SMYD3: variants seen among roughly 807,000 people sequenced by gnomAD.
The protein encoded by SMYD3 is SET and MYND domain containing 3, also known as histone-lysine N-methyltransferase SMYD3.
SMYD3 carries 36 observed loss-of-function variants against 57.7 expected under a neutral mutation model. That is an observed-to-expected ratio of 0.62 (90% confidence interval 0.48 to 0.82). The LOEUF (loss-of-function observed/expected upper bound fraction) is 0.82, where lower values mean the gene tolerates loss of function less well. Among genes scored for constraint, SMYD3 ranks in the 40% least tolerant of loss-of-function variants. The pLI is 0.00. For missense variants in SMYD3, 515 were observed against 538.8 expected, an observed-to-expected ratio of 0.96 and a Z score of 0.44; for synonymous variants, 211 against 195.0, an observed-to-expected ratio of 1.08 and a Z score of -0.68.
intron 1 of SMYD3, among the ~76,000 whole-genome samples, chr1:246,470,796 T>C (rs1020693174): frequency 5.9e-5 from 9 of 151,610 alleles, no homozygotes; most frequent in African/African-American, 4.8e-5. Context: ...ATCGACAAAA[T>C]TGGAAAAATG....
At chr1:246,458,055 C>A (rs1332389616) in intron 1 of SMYD3, among the ~76,000 whole-genome samples, 1 of 152,154 alleles carries the variant, frequency 6.6e-6, no homozygotes, top group Non-Finnish European at 1.5e-5. Flanking sequence ...GCATTATTTT[C>A]TGGTCCAACT....
At chr1:246,473,355 G>A (rs1425850283) in intron 1 of SMYD3, among the ~76,000 whole-genome samples, 1 of 152,002 alleles carries the variant, frequency 6.6e-6, no homozygotes, top group Non-Finnish European at 1.5e-5. Flanking sequence ...TTCATTTTAT[G>A]TTATATATTT....
intron 5 of SMYD3, among the ~76,000 whole-genome samples, chr1:245,956,710 C>A (rs768411261): frequency 6.6e-6 from 1 of 152,148 alleles, no homozygotes; most frequent in Non-Finnish European, 1.5e-5. Flanking sequence ...GAGCCTGCTT[C>A]GGTACTCTGG....
chr1:245,774,701 CTCCACGGTCTCCCTCTCCCTCTCTT>C (rs1402265752), intron 10 of SMYD3, among the ~76,000 whole-genome samples: 6 of 125,560 alleles, frequency 4.8e-5, no homozygotes, highest in African/African-American at 8.9e-5. Context: ...CCCTCTCCCT[CTCCACGGTCTCCCTCTCCCTCTCTT>C]TCCACGGTCT....
chr1:245,957,985 G>A (rs1284232800), intron 5 of SMYD3, among the ~76,000 whole-genome samples: 4 of 152,098 alleles, frequency 2.6e-5, no homozygotes, highest in African/African-American at 9.7e-5. Context: ...AGACAAGGTA[G>A]GGACGCTGAA....
intron 1 of SMYD3, among the ~76,000 whole-genome samples, chr1:246,481,555 T>C (rs11806443): frequency 0.15 from 20,231 of 131,232 alleles, 1,989 homozygotes; most frequent in Middle Eastern, 0.26. Flanking sequence ...CCTGGGTCTC[T>C]AACTTGCAGA....
chr1:246,379,246 C>T (rs1376845012), intron 1 of SMYD3, among the ~76,000 whole-genome samples: 1 of 150,588 alleles, frequency 6.6e-6, no homozygotes, highest in Non-Finnish European at 1.5e-5. Flanking sequence ...AATAACATTA[C>T]ATGGGTGTAA....
At chr1:245,986,918 G>T (rs1035178003) in intron 5 of SMYD3, among the ~76,000 whole-genome samples, 1 of 152,174 alleles carries the variant, frequency 6.6e-6, no homozygotes, top group African/African-American at 2.4e-5. Context: ...ACAAATATAA[G>T]TAAAACTTGA....
At chr1:245,991,610 G>A (rs1558564595) in intron 5 of SMYD3, among the ~76,000 whole-genome samples, 2 of 152,224 alleles carry the variant, frequency 1.3e-5, no homozygotes, top group Non-Finnish European at 2.9e-5. Context: ...GTCACTCCCC[G>A]GCTGTTTGCC....
At chr1:246,108,407 G>A (rs1558235378) in intron 5 of SMYD3, among the ~76,000 whole-genome samples, 1 of 152,166 alleles carries the variant, frequency 6.6e-6, no homozygotes. Flanking sequence ...TCAGCAAAGA[G>A]ATCACACCCT....
At chr1:246,302,378 T>C (rs2064905578) in intron 5 of SMYD3, among the ~76,000 whole-genome samples, 1 of 152,154 alleles carries the variant, frequency 6.6e-6, no homozygotes, top group African/African-American at 2.4e-5. Flanking sequence ...AAATTCCTTT[T>C]GTGCTTCATT....
At chr1:246,415,912 G>A (rs746257814) in intron 1 of SMYD3, among the ~76,000 whole-genome samples, 32 of 152,108 alleles carry the variant, frequency 2.1e-4, no homozygotes, top group Non-Finnish European at 2.9e-4. Flanking sequence ...TTAACTTTCC[G>A]TATGTTATGC....
At chr1:245,751,392 G>C (rs559769628) in intron 11 of SMYD3, among the ~76,000 whole-genome samples, 6 of 152,234 alleles carry the variant, frequency 3.9e-5, no homozygotes, top group African/African-American at 1.4e-4. Flanking sequence ...CTGAAGCTTC[G>C]AGAAACAAAG....
chr1:246,322,373 G>C (rs965255309), intron 5 of SMYD3: 1 of 151,484 alleles, frequency 6.6e-6, no homozygotes, highest in Non-Finnish European at 1.5e-5. Context: ...TTCCCAAAGA[G>C]GGGGAAAAAA....
At chr1:246,218,723 T>G (rs2063206248) in intron 5 of SMYD3, among the ~76,000 whole-genome samples, 7 of 152,292 alleles carry the variant, frequency 4.6e-5, no homozygotes, top group Middle Eastern at 3.4e-3. Context: ...TTAAGGTATT[T>G]TGTGTGTGTT....
intron 10 of SMYD3, among the ~76,000 whole-genome samples, chr1:245,801,744 CAA>C (rs1293556023): frequency 1.3e-4 from 18 of 138,774 alleles, no homozygotes; most frequent in Non-Finnish European, 2.5e-4. Context: ...AAAAAAATCA[CAA>C]AAACTCAAGT....
At chr1:246,089,780 T>C (rs1050932831) in intron 5 of SMYD3, among the ~76,000 whole-genome samples, 6 of 152,174 alleles carry the variant, frequency 3.9e-5, no homozygotes, top group African/African-American at 1.4e-4. Flanking sequence ...CTTTACCGGC[T>C]GTTCCTACCC....
chr1:246,067,043 T>C (rs2060354547), intron 5 of SMYD3, among the ~76,000 whole-genome samples: 1 of 152,150 alleles, frequency 6.6e-6, no homozygotes, highest in African/African-American at 2.4e-5. Context: ...AAAGTAAAAA[T>C]TCCGGTGAAT....
chr1:246,448,487 T>C (rs1050527851), intron 1 of SMYD3, among the ~76,000 whole-genome samples: 9 of 151,984 alleles, frequency 5.9e-5, no homozygotes, highest in African/African-American at 1.9e-4. Context: ...AATAAACAAA[T>C]GGTCAAAGGC....
Sources: allele counts gnomAD v4.1 joint callset (sites outside exome capture counted in the v4.1 genomes callset), GRCh38; gene constraint gnomAD v4.1.1; transcripts MANE v1.5; gene names NCBI Gene and HGNC (gene_info 2026-07-23, HGNC 2026-07-21).